The following GDAP1 variants were observed in gnomAD, a reference collection of about 807,000 sequenced individuals.
The protein encoded by GDAP1 is ganglioside induced differentiation associated protein 1.
Under a neutral mutation model 40.1 loss-of-function variants are expected in GDAP1, and 34 were observed. The ratio of observed to expected loss-of-function variants is 0.85; its 90% CI spans 0.64 to 1.13. GDAP1 has a LOEUF of 1.13. Ranked by LOEUF, GDAP1 falls within the 50% of genes most tolerant of loss-of-function variation. The pLI, the probability that GDAP1 is intolerant of heterozygous loss-of-function variation, is 0.00. For missense variants in GDAP1, 374 were observed against 433.7 expected (o/e 0.86, Z 1.22); for synonymous variants, 170 against 157.4 (o/e 1.08, Z -0.60).
At chr8:74,351,679 A>G (rs1277681785) in intron 2 of GDAP1, among the ~76,000 whole-genome samples, 1 of 151,906 alleles carries the variant, frequency 6.6e-6, no homozygotes, top group Non-Finnish European at 1.5e-5. Context: ...AAAATAATTT[A>G]ATGCAAAATA....
intron 2 of GDAP1, among the ~76,000 whole-genome samples, chr8:74,398,627 C>G (rs1332650791): frequency 6.6e-6 from 1 of 152,096 alleles, no homozygotes; most frequent in East Asian, 1.9e-4. Flanking sequence ...GTCTTGTGCC[C>G]ATTTTCAAAG....
downstream of GDAP1, among the ~76,000 whole-genome samples, chr8:74,368,509 A>T (rs1234015728): frequency 6.6e-6 from 1 of 152,200 alleles, no homozygotes; most frequent in Non-Finnish European, 1.5e-5. Flanking sequence ...ACATTGTAAA[A>T]ATTCTTATTG....
chr8:74,401,074 T>C (rs1416048307), intron 2 of GDAP1, among the ~76,000 whole-genome samples: 1 of 149,274 alleles, frequency 6.7e-6, no homozygotes, highest in African/African-American at 2.6e-5. Context: ...GCGTTCTCTG[T>C]ATTTCCTGAA....
chr8:74,485,223 A>AT (rs1336451905), intron 2 of GDAP1, among the ~76,000 whole-genome samples: 3 of 152,176 alleles, frequency 2.0e-5, no homozygotes, highest in Non-Finnish European at 4.4e-5. Flanking sequence ...TGAAATCAAA[A>AT]AGTTATTCCA....
At chr8:74,410,393 A>G (rs1174225530) in intron 2 of GDAP1, among the ~76,000 whole-genome samples, 3 of 150,252 alleles carry the variant, frequency 2.0e-5, no homozygotes, top group Non-Finnish European at 2.9e-5. Flanking sequence ...AGAGTCAGTT[A>G]CTGAGAAAAC....
chr8:74,361,410 T>C (rs910802835), intron 3 of GDAP1, among the ~76,000 whole-genome samples: 1 of 151,978 alleles, frequency 6.6e-6, no homozygotes, highest in African/African-American at 2.4e-5. Context: ...CTTTTCTTTT[T>C]TTTTTTGGAT....
chr8:74,356,652 ATTAT>A (rs1433070165), intron 2 of GDAP1, among the ~76,000 whole-genome samples: 2 of 123,168 alleles, frequency 1.6e-5, no homozygotes, highest in East Asian at 5.1e-4. Context: ...ATTGTTTAAT[ATTAT>A]TTAGTGTGTG....
At chr8:74,416,883 C>A (rs1468982663) in intron 2 of GDAP1, among the ~76,000 whole-genome samples, 1 of 148,872 alleles carries the variant, frequency 6.7e-6, no homozygotes, top group Non-Finnish European at 1.5e-5. Flanking sequence ...TGAATCCCAG[C>A]ACTTTCCACT....
At chr8:74,360,384 T>C in intron 3 of GDAP1, 74 bp downstream of exon 3, 1 of 1,234,302 alleles carries the variant, frequency 8.1e-7, no homozygotes, top group Non-Finnish European at 1.2e-6. Context: ...CTAGCATGTC[T>C]CATGGTCACT....
In GDAP1 at chr8:74,401,065, C is replaced by T. The variant is rs376475813; in HGVS notation, c.165+49744C>T. 2.0e-4 allele frequency among the ~76,000 whole-genome samples: 30 copies of T among 149,000 alleles called. 1 individual carries two copies. The highest frequency in any genetic ancestry group is 3.4e-3 in the Middle Eastern group (1 of 292). On this transcript the variant is annotated intron_variant, in intron 2 of 2. Coordinates refer to the GDAP1 transcript ENST00000523640. ...CTCTTCTCGAGGAGTATCTTTGTGG[C>T]GTTCTCTGTATTTCCTGAATCTGAA...
chr8:74,366,177 T>C lies in GDAP1; in HGVS notation c.*1810T>C, dbSNP rs1474709897. On this transcript the variant is annotated 3_prime_UTR_variant, in exon 6 of 6. Transcript: ENST00000220822. ...TTCTAGAATGTGTTTATAATTTCCT[T>C]GTACAGTTTCTTTGGAAATACGTTA... 4.4e-6 allele frequency: 2 copies of C among 453,830 alleles called. No individual in the cohort carries two copies. The highest frequency in any genetic ancestry group is 8.8e-6 in the Non-Finnish European group (2 of 226,696). The allele number at this position is 453,830 out of a possible 1,614,324, so 28.1% of individuals were successfully genotyped here.
intron 2 of GDAP1, among the ~76,000 whole-genome samples, chr8:74,434,039 C>A (rs1806059180): frequency 6.6e-6 from 1 of 152,178 alleles, no homozygotes; most frequent in Admixed American, 6.5e-5. Flanking sequence ...CTAATTTGTA[C>A]CTTTGCCTAC....
intron 2 of GDAP1, among the ~76,000 whole-genome samples, chr8:74,438,090 G>T (rs1331057773): frequency 6.6e-6 from 1 of 152,006 alleles, no homozygotes; most frequent in Non-Finnish European, 1.5e-5. Flanking sequence ...CCAACATGGT[G>T]AAACCCCGTC....
At chr8:74,471,324 A>G (rs1350460728) in intron 2 of GDAP1, among the ~76,000 whole-genome samples, 3 of 151,844 alleles carry the variant, frequency 2.0e-5, no homozygotes, top group Non-Finnish European at 4.4e-5. Context: ...AAATAATTTT[A>G]TTTAAAGTAT....
At chr8:74,413,021 C>T (rs553931652) in intron 2 of GDAP1, among the ~76,000 whole-genome samples, 13 of 125,428 alleles carry the variant, frequency 1.0e-4, no homozygotes, top group East Asian at 9.8e-4. Flanking sequence ...GAGCTGAGAT[C>T]GCTCCACTGC....
At chr8:74,418,111 C>G (rs1425004701) in intron 2 of GDAP1, among the ~76,000 whole-genome samples, 1 of 152,164 alleles carries the variant, frequency 6.6e-6, no homozygotes, top group Non-Finnish European at 1.5e-5. Context: ...TTCAATTCTT[C>G]CAAACTGATT....
chr8:74,375,790 A>C (rs1302551009), intron 2 of GDAP1, among the ~76,000 whole-genome samples: 1 of 152,214 alleles, frequency 6.6e-6, no homozygotes, highest in Non-Finnish European at 1.5e-5. Flanking sequence ...CAGTGCAATA[A>C]GGCAACTAAA....
At chr8:74,352,865 A>G (rs1239589903) in intron 2 of GDAP1, among the ~76,000 whole-genome samples, 1 of 152,154 alleles carries the variant, frequency 6.6e-6, no homozygotes, top group Non-Finnish European at 1.5e-5. Flanking sequence ...TTGTGTTAAT[A>G]AATCTATTTT....
rs1349517835 is a variant in GDAP1 at position 74,365,542 on chromosome 8, C to T, written c.*1175C>T. The T allele has an allele frequency of 2.2e-6, 1 of 453,928 alleles. No individual in the cohort carries two copies. Among genetic ancestry groups the T allele is most frequent in the Non-Finnish European group, 4.4e-6 (1 of 226,708 alleles). The allele number at this position is 453,928 out of a possible 1,614,324, so 28.1% of individuals were successfully genotyped here. ...AGGAAGACAGTTTCCCTGGAGCTGGCCATGAAGGCCTTAGAAGCCATTTCT... is the reference window on the plus strand; with the variant it reads ...AGGAAGACAGTTTCCCTGGAGCTGGTCATGAAGGCCTTAGAAGCCATTTCT... On this transcript the variant is annotated 3_prime_UTR_variant, in exon 6 of 6. Coordinates refer to ENST00000220822, the MANE Select transcript of GDAP1 (RefSeq NM_018972.4).
Sources: allele counts gnomAD v4.1 joint callset (sites outside exome capture counted in the v4.1 genomes callset), GRCh38; gene constraint gnomAD v4.1.1; transcripts MANE v1.5; gene names NCBI Gene and HGNC (gene_info 2026-07-23, HGNC 2026-07-21).